Variants in ADGRL3 observed in about 807,000 individuals in gnomAD.
ADGRL3 encodes adhesion G protein-coupled receptor L3, also known as calcium-independent alpha-latrotoxin receptor 3.
In ADGRL3, 62 loss-of-function variants were observed where a neutral mutation model predicts 153.5. That is an observed-to-expected ratio of 0.40 (90% CI 0.33 to 0.50). The LOEUF is 0.50. Ranked by LOEUF, ADGRL3 falls within the 20% of genes least tolerant of loss-of-function variation. The probability of loss-of-function intolerance (pLI) is 0.47; values close to 1 mark genes in which losing one functional copy is unlikely to be tolerated. For synonymous variants in ADGRL3, 710 were observed against 672.5 expected (o/e 1.06, Z -0.86); for missense variants, 1,641 against 1,859.4 (o/e 0.88, Z 2.16).
intron 1 of ADGRL3, among the ~76,000 whole-genome samples, chr4:61,336,116 A>G (rs2095669391): frequency 6.6e-6 from 1 of 152,320 alleles, no homozygotes; most frequent in Non-Finnish European, 1.5e-5. Flanking sequence ...TTTATTGTGT[A>G]TAGAATGAAT....
intron 9 of ADGRL3, among the ~76,000 whole-genome samples, chr4:61,855,546 CATT>C (rs1201224819): frequency 1.3e-5 from 2 of 151,958 alleles, no homozygotes; most frequent in Non-Finnish European, 2.9e-5. Context: ...TACTGATAAA[CATT>C]ATTTTTTCAC....
In ADGRL3 at chr4:62,025,839, C is replaced by T. The variant is rs375219236; in HGVS notation, c.3396-3016C>T. Among the ~76,000 whole-genome samples the T allele has an allele frequency of 1.1e-3, 169 of 152,140 alleles. No individual in the cohort carries two copies. In the South Asian group the frequency reaches 0.014, roughly 13 times the overall value. ...ATTGTTTTAGTCATACAACCTGTAA[C>T]GGTATTTTGTTTAAATGGATTATCA... On this transcript the variant is annotated intron_variant, in intron 21 of 26. Transcript: ENST00000683033.
At chr4:61,635,083 G>T (rs545759250) in intron 5 of ADGRL3, among the ~76,000 whole-genome samples, 3 of 152,218 alleles carry the variant, frequency 2.0e-5, no homozygotes, top group African/African-American at 7.2e-5. Flanking sequence ...TAAAAGAAGG[G>T]CCTTTGCATT....
intron 5 of ADGRL3, among the ~76,000 whole-genome samples, chr4:61,598,839 T>A (rs548172635): frequency 6.6e-6 from 1 of 152,304 alleles, no homozygotes; most frequent in African/African-American, 2.4e-5. Context: ...TTATTTAAAA[T>A]TTTCTTTTGA....
At chr4:61,712,339 G>A (rs1405040364) in intron 6 of ADGRL3, among the ~76,000 whole-genome samples, 2 of 152,040 alleles carry the variant, frequency 1.3e-5, no homozygotes, top group East Asian at 3.9e-4. Context: ...GCTACTGTGA[G>A]GCATGATTTT....
At chr4:61,910,177 G>T (rs1280757679) in intron 12 of ADGRL3, among the ~76,000 whole-genome samples, 1 of 151,602 alleles carries the variant, frequency 6.6e-6, no homozygotes, top group Non-Finnish European at 1.5e-5. Context: ...TGGAAGAATG[G>T]ATGGATCTCT....
intron 17 of ADGRL3, among the ~76,000 whole-genome samples, chr4:61,960,693 T>G (rs892952940): frequency 6.6e-6 from 1 of 151,632 alleles, no homozygotes; most frequent in Non-Finnish European, 1.5e-5. Context: ...ACATATGGAT[T>G]AGTGTTTTTT....
rs1400465993 is a variant in ADGRL3, at chr4:61,587,457, A to G, written c.473+17A>G. On this transcript the variant is annotated intron_variant, in intron 5 of 26. Coordinates refer to ENST00000683033, the MANE Select transcript of ADGRL3 (RefSeq NM_001387552.1). Reference sequence around the variant, plus strand: ...GTCTCAAAGGTATGATACTTCTAATATTCTTTTCTTTGTGCACAATATAAA... The same window carrying G: ...GTCTCAAAGGTATGATACTTCTAATGTTCTTTTCTTTGTGCACAATATAAA... 7.7e-6 allele frequency: 12 copies of G among 1,561,202 alleles called. No individual in the cohort carries two copies. Among genetic ancestry groups the G allele is most frequent in the Non-Finnish European group, 1.1e-5 (12 of 1,135,400 alleles).
intron 25 of ADGRL3, among the ~76,000 whole-genome samples, chr4:62,052,579 T>C (rs2151774235): frequency 6.6e-6 from 1 of 151,634 alleles, no homozygotes; most frequent in African/African-American, 2.4e-5. Context: ...TATTGTCCAA[T>C]TGTAGGGCTT....
At chr4:62,012,676 C>G (rs1206126217) in intron 21 of ADGRL3, among the ~76,000 whole-genome samples, 1 of 152,142 alleles carries the variant, frequency 6.6e-6, no homozygotes, top group Non-Finnish European at 1.5e-5. Flanking sequence ...AGATAATTTT[C>G]TAGGCCATGC....
At chr4:61,411,272 T>C (rs2097084001) in intron 2 of ADGRL3, among the ~76,000 whole-genome samples, 1 of 152,198 alleles carries the variant, frequency 6.6e-6, no homozygotes, top group East Asian at 1.9e-4. Flanking sequence ...GTCTTCGTGT[T>C]TTATGACATT....
At chr4:61,845,565 T>G (rs2098106764) in intron 9 of ADGRL3, among the ~76,000 whole-genome samples, 1 of 150,904 alleles carries the variant, frequency 6.6e-6, no homozygotes, top group African/African-American at 2.4e-5. Flanking sequence ...GCAGTCTTAC[T>G]ATGTTGCCCA....
intron 1 of ADGRL3, among the ~76,000 whole-genome samples, chr4:61,253,430 A>G (rs371872784): frequency 9.2e-5 from 14 of 152,148 alleles, no homozygotes; most frequent in African/African-American, 3.4e-4. Flanking sequence ...TATTGGAGGT[A>G]GGTAACCAGT....
At chr4:61,249,580 A>G (rs1299599304) in intron 1 of ADGRL3, among the ~76,000 whole-genome samples, 1 of 152,118 alleles carries the variant, frequency 6.6e-6, no homozygotes, top group African/African-American at 2.4e-5. Context: ...GACAAAAGGA[A>G]TGCATTTTCC....
chr4:61,993,999 G>A (rs934362169), intron 19 of ADGRL3, among the ~76,000 whole-genome samples: 4 of 152,246 alleles, frequency 2.6e-5, no homozygotes, highest in South Asian at 2.1e-4. Context: ...CAGGTTTATT[G>A]TGTTTACTTT....
intron 4 of ADGRL3, among the ~76,000 whole-genome samples, chr4:61,547,061 A>C (rs1321449625): frequency 1.3e-5 from 2 of 152,194 alleles, no homozygotes; most frequent in Non-Finnish European, 2.9e-5. Context: ...CTGTATAGAA[A>C]TTACTATAGA....
intron 13 of ADGRL3, among the ~76,000 whole-genome samples, chr4:61,925,889 C>T (rs2098792181): frequency 6.6e-6 from 1 of 152,146 alleles, no homozygotes; most frequent in South Asian, 2.1e-4. Context: ...TGAATTGATG[C>T]CATACAATTA....
chr4:61,974,028 C>T (rs546867339), intron 17 of ADGRL3, among the ~76,000 whole-genome samples: 1 of 152,064 alleles, frequency 6.6e-6, no homozygotes, highest in East Asian at 1.9e-4. Flanking sequence ...AGTGCAGTGG[C>T]GTGGTCTCGG....
chr4:62,009,894 C>T (rs1160567650), intron 21 of ADGRL3, among the ~76,000 whole-genome samples: 2 of 152,052 alleles, frequency 1.3e-5, no homozygotes, highest in Admixed American at 6.6e-5. Flanking sequence ...CAAATTTAAT[C>T]GTTTAATAGA....
Sources: allele counts gnomAD v4.1 joint callset (sites outside exome capture counted in the v4.1 genomes callset), GRCh38; gene constraint gnomAD v4.1.1; transcripts MANE v1.5; gene names NCBI Gene and HGNC (gene_info 2026-07-23, HGNC 2026-07-21).